The following NBEA variants were observed in gnomAD, a reference collection of about 807,000 sequenced individuals.
NBEA encodes lysosomal-trafficking regulator 2.
NBEA carries 44 observed loss-of-function variants against 343.4 expected under a neutral mutation model. That is an observed-to-expected ratio of 0.13 (90% CI 0.10 to 0.16). The LOEUF (loss-of-function observed/expected upper bound fraction) is 0.16, where lower values mean the gene tolerates loss of function less well. NBEA is among the 10% of genes least tolerant of loss of function. The probability of loss-of-function intolerance (pLI) is 1.00; values close to 1 mark genes in which losing one functional copy is unlikely to be tolerated. For missense variants in NBEA, 2,555 were observed against 3,631.3 expected (o/e 0.70, Z 7.62); for synonymous variants, 1,175 against 1,238.7 (o/e 0.95, Z 1.08).
chr13:35,155,869 A>G lies in NBEA; in HGVS notation c.2527+14A>G. 6.2e-7 allele frequency: 1 copy of G among 1,601,114 alleles called. No homozygotes were observed. Among genetic ancestry groups the G allele is most frequent in the Non-Finnish European group, 8.6e-7 (1 of 1,168,284 alleles). On this transcript the variant is annotated intron_variant, in intron 19 of 58. Coordinates refer to ENST00000379939, the MANE Select transcript of NBEA (RefSeq NM_001385012.1). Reference sequence around the variant, plus strand: ...TTCAGAATCCAAGTGAGCAAATGGCAGTTCTTTACTGTATTGTGGTAGGCG... The same window carrying G: ...TTCAGAATCCAAGTGAGCAAATGGCGGTTCTTTACTGTATTGTGGTAGGCG...
intron 33 of NBEA, among the ~76,000 whole-genome samples, chr13:35,230,854 C>T (rs890296443): frequency 6.6e-6 from 1 of 151,998 alleles, no homozygotes; most frequent in Non-Finnish European, 1.5e-5. Flanking sequence ...ATTTGTACTT[C>T]TAACAAATGC....
Position 35,159,544 on chromosome 13 carries a change from G to C in NBEA, c.3373G>C (p.Asp1125His), listed in dbSNP as rs1354854214. ...VGIIKKNEEK[D>H]NGPLITLADE... ...TATCATTAAAAAAAATGAAGAAAAG[G>C]ATAATGGTCCATTGATAACATTAGC... The change falls in exon 22 of 59, where the codon GAT (aspartate) becomes CAT (histidine). Residue 1125 changes from aspartate to histidine, a missense_variant. Transcript: ENST00000379939. The C allele has an allele frequency of 6.2e-7, 1 of 1,612,436 alleles. No homozygotes were observed. The highest frequency in any genetic ancestry group is 8.5e-7 in the Non-Finnish European group (1 of 1,179,488).
intron 1 of NBEA, among the ~76,000 whole-genome samples, chr13:34,950,319 A>C (rs1180101045): frequency 6.6e-6 from 1 of 152,154 alleles, no homozygotes; most frequent in Non-Finnish European, 1.5e-5. Flanking sequence ...GTCAGATTCT[A>C]CTTGAGAACA....
chr13:35,566,738 A>T (rs952078511), intron 44 of NBEA, among the ~76,000 whole-genome samples, 167 bp from the exon 45 acceptor site: 22 of 152,210 alleles, frequency 1.4e-4, no homozygotes, highest in African/African-American at 5.3e-4. Flanking sequence ...TCTTAAAACA[A>T]TTATTGAGTG....
rs143127794 is a variant in NBEA, at chr13:35,231,489, C to A, written c.5649-1003C>A. Among the ~76,000 whole-genome samples, 242 of 152,072 alleles carry A rather than the reference C, an allele frequency of 1.6e-3. 1 individual carries two copies. Among genetic ancestry groups the A allele is most frequent in the African/African-American group, 5.3e-3 (218 of 41,496 alleles). ...TTGTTTAATTGCTAACTGTACATAT[C>A]GTCTGTGTAGAAGAATGTGTACTCA... On this transcript the variant is annotated intron_variant, in intron 33 of 58. Transcript: ENST00000379939.
intron 10 of NBEA, among the ~76,000 whole-genome samples, chr13:35,076,094 A>G (rs2064104217): frequency 6.6e-6 from 1 of 151,876 alleles, no homozygotes; most frequent in African/African-American, 2.4e-5. Flanking sequence ...GGTGGTTCTT[A>G]TATATAGAAT....
At chr13:35,102,846 C>G (rs1283461322) in intron 11 of NBEA, among the ~76,000 whole-genome samples, 1 of 151,180 alleles carries the variant, frequency 6.6e-6, no homozygotes, top group Admixed American at 6.6e-5. Context: ...TGTTTTTTTC[C>G]TTTCTAATTT....
chr13:35,579,872 G>A (rs534661133), intron 45 of NBEA, among the ~76,000 whole-genome samples: 2 of 152,118 alleles, frequency 1.3e-5, no homozygotes, highest in South Asian at 2.1e-4. Flanking sequence ...TTCAAAACAG[G>A]GAAACTGAGT....
At chr13:35,162,861 G>A (rs536810641) in intron 23 of NBEA, among the ~76,000 whole-genome samples, 3 of 152,064 alleles carry the variant, frequency 2.0e-5, no homozygotes, top group Non-Finnish European at 4.4e-5. Flanking sequence ...AGTTATGACT[G>A]TTGTGGAAGA....
At chr13:35,199,981 A>G (rs1216438667) in intron 31 of NBEA, among the ~76,000 whole-genome samples, 1 of 152,060 alleles carries the variant, frequency 6.6e-6, no homozygotes, top group Non-Finnish European at 1.5e-5. Context: ...TTAAAATGCT[A>G]GAGATCCTCT....
intron 48 of NBEA, among the ~76,000 whole-genome samples, chr13:35,621,191 CTTGT>C (rs1429451912): frequency 6.6e-6 from 1 of 152,118 alleles, no homozygotes; most frequent in Non-Finnish European, 1.5e-5. Context: ...CTATATTCAC[CTTGT>C]TTATTTGCAT....
chr13:34,947,474 T>C (rs1041019470), intron 1 of NBEA, among the ~76,000 whole-genome samples: 10 of 152,162 alleles, frequency 6.6e-5, no homozygotes, highest in Admixed American at 5.2e-4. Context: ...AGCTGTATTA[T>C]AAAATTCAGT....
At chr13:34,991,302 T>A (rs879577325) in intron 1 of NBEA, among the ~76,000 whole-genome samples, 2 of 152,190 alleles carry the variant, frequency 1.3e-5, no homozygotes, top group Non-Finnish European at 2.9e-5. Flanking sequence ...TACCTGAGAC[T>A]GGGTAATTTG....
At chr13:34,999,995 C>G (rs1211234595) in intron 1 of NBEA, among the ~76,000 whole-genome samples, 1 of 152,062 alleles carries the variant, frequency 6.6e-6, no homozygotes, top group Non-Finnish European at 1.5e-5. Flanking sequence ...GTCTACATAC[C>G]TTTATATGTA....
In NBEA at chr13:35,278,281, A is replaced by G. The variant is rs1594053495; in HGVS notation, c.5777-12108A>G. ...TGTTATAAATTTGAACAATGGAAGA[A>G]AAAAGGATAGTTGAAAGGCAGTTTT... On this transcript the variant is annotated intron_variant, in intron 34 of 58. Coordinates refer to ENST00000379939, the MANE Select transcript of NBEA (RefSeq NM_001385012.1). Among the ~76,000 whole-genome samples, 8 of 152,004 alleles carry G rather than the reference A, an allele frequency of 5.3e-5. No homozygotes were observed. In the South Asian group the frequency reaches 1.7e-3, roughly 32 times the overall value.
At chr13:35,129,652 C>T (rs1319365402) in intron 17 of NBEA, among the ~76,000 whole-genome samples, 1 of 151,704 alleles carries the variant, frequency 6.6e-6, no homozygotes, top group Non-Finnish European at 1.5e-5. Flanking sequence ...TCAAATATGG[C>T]TAATAAGAGT....
chr13:34,972,655 T>A (rs2060036417), intron 1 of NBEA, among the ~76,000 whole-genome samples: 1 of 152,188 alleles, frequency 6.6e-6, no homozygotes, highest in Non-Finnish European at 1.5e-5. Flanking sequence ...TTTCTTAGTC[T>A]TGAGTTCTAA....
At chr13:35,023,272 A>G (rs1196962099) in intron 1 of NBEA, among the ~76,000 whole-genome samples, 1 of 152,146 alleles carries the variant, frequency 6.6e-6, no homozygotes, top group Non-Finnish European at 1.5e-5. Flanking sequence ...GATAAGAAAA[A>G]TGTATTTCTT....
intron 33 of NBEA, among the ~76,000 whole-genome samples, chr13:35,227,166 C>T (rs974652796): frequency 1.3e-5 from 2 of 151,418 alleles, no homozygotes; most frequent in South Asian, 2.1e-4. Flanking sequence ...TCATGTTTTC[C>T]GTAGCGGCCA....
Sources: allele counts gnomAD v4.1 joint callset (sites outside exome capture counted in the v4.1 genomes callset), GRCh38; gene constraint gnomAD v4.1.1; transcripts MANE v1.5; gene names NCBI Gene and HGNC (gene_info 2026-07-23, HGNC 2026-07-21).